The following ROBO2 variants were observed in gnomAD, a reference collection of about 807,000 sequenced individuals.
The protein encoded by ROBO2 is roundabout homolog 2.
ROBO2 carries 53 observed loss-of-function variants against 160.8 expected under a neutral mutation model. That is an observed-to-expected ratio of 0.33 (90% CI 0.26 to 0.41). The LOEUF is 0.41. ROBO2 is among the 10% of genes least tolerant of loss of function. The pLI is 1.00. For synonymous variants in ROBO2, 664 were observed against 611.7 expected (o/e 1.09, Z -1.26); for missense variants, 1,577 against 1,722.4 (o/e 0.92, Z 1.49).
chr3:77,391,685 T>C (rs1044582536), intron 2 of ROBO2, among the ~76,000 whole-genome samples: 11 of 152,054 alleles, frequency 7.2e-5, no homozygotes, highest in African/African-American at 2.7e-4. Context: ...AGCCAAACCG[T>C]GTAAGATGCC....
chr3:77,451,935 A>G (rs1472521122), intron 2 of ROBO2, among the ~76,000 whole-genome samples: 3 of 151,590 alleles, frequency 2.0e-5, no homozygotes, highest in Middle Eastern at 3.2e-3. Context: ...CCATCCCACA[A>G]CAGGCCCCAG....
chr3:76,416,057 T>C (rs2075745063), intron 2 of ROBO2, among the ~76,000 whole-genome samples: 1 of 152,154 alleles, frequency 6.6e-6, no homozygotes, highest in African/African-American at 2.4e-5. Context: ...AACAAGATGA[T>C]AAATGGCCTA....
At chr3:77,545,855 G>C (rs887790652) in intron 6 of ROBO2, among the ~76,000 whole-genome samples, 1 of 151,962 alleles carries the variant, frequency 6.6e-6, no homozygotes, top group Non-Finnish European at 1.5e-5. Flanking sequence ...GCACTTTTAA[G>C]AATAGGGGTC....
chr3:77,212,839 T>G (rs778656476), intron 2 of ROBO2, among the ~76,000 whole-genome samples: 33 of 152,130 alleles, frequency 2.2e-4, no homozygotes, highest in Non-Finnish European at 4.7e-4. Context: ...TAATCATATG[T>G]TTTTTGTCTT....
chr3:76,909,941 C>T (rs1206776887), intron 2 of ROBO2, among the ~76,000 whole-genome samples: 1 of 152,178 alleles, frequency 6.6e-6, no homozygotes, highest in Non-Finnish European at 1.5e-5. Flanking sequence ...AGATTTCCTT[C>T]TCAAGAGCTT....
intron 2 of ROBO2, among the ~76,000 whole-genome samples, chr3:76,876,928 T>C (rs1223277692): frequency 2.0e-5 from 3 of 152,166 alleles, no homozygotes; most frequent in African/African-American, 7.2e-5. Context: ...CTTTCTGATA[T>C]TCTAGAATGA....
intron 2 of ROBO2, among the ~76,000 whole-genome samples, chr3:75,982,416 C>G (rs2065305186): frequency 6.6e-6 from 1 of 151,368 alleles, no homozygotes; most frequent in Non-Finnish European, 1.5e-5. Context: ...TCCTTTTTTC[C>G]ACATCCTTCT....
chr3:76,763,937 T>C (rs1394352810), intron 2 of ROBO2, among the ~76,000 whole-genome samples: 1 of 151,802 alleles, frequency 6.6e-6, no homozygotes, highest in Non-Finnish European at 1.5e-5. Flanking sequence ...GACCTTCTTC[T>C]TATAAATAAT....
chr3:76,314,841 G>A (rs956853459), intron 2 of ROBO2, among the ~76,000 whole-genome samples: 6 of 152,146 alleles, frequency 3.9e-5, no homozygotes, highest in Non-Finnish European at 8.8e-5. Context: ...GAAGTCAAAA[G>A]TTATATGCAG....
At chr3:76,958,974 C>T (rs1577841691) in intron 2 of ROBO2, among the ~76,000 whole-genome samples, 2 of 152,266 alleles carry the variant, frequency 1.3e-5, no homozygotes, top group East Asian at 3.9e-4. Flanking sequence ...CAGTTATCTC[C>T]ATAACAACAT....
intron 13 of ROBO2, among the ~76,000 whole-genome samples, chr3:77,573,458 A>G (rs954273746): frequency 2.0e-5 from 3 of 152,052 alleles, no homozygotes; most frequent in East Asian, 1.9e-4. Flanking sequence ...ATTATTTAAA[A>G]TAGCTTCTTA....
At chr3:77,539,353 C>T (rs2153641793) in intron 6 of ROBO2, among the ~76,000 whole-genome samples, 1 of 152,272 alleles carries the variant, frequency 6.6e-6, no homozygotes, top group Admixed American at 6.5e-5. Flanking sequence ...TAGCAGCACT[C>T]TCTACAAAAG....
chr3:76,272,838 T>TG lies in ROBO2; in HGVS notation c.109+335236_109+335237insG, dbSNP rs1559705719. Among the ~76,000 whole-genome samples the TG allele has an allele frequency of 1.4e-4, 4 of 28,068 alleles. 1 individual carries two copies. Among genetic ancestry groups the TG allele is most frequent in the African/African-American group, 4.7e-4 (4 of 8,562 alleles). The allele number at this position is 28,068 out of a possible 152,430, so 18.4% of individuals were successfully genotyped here. ...TATGTATTTATATATAAAATATATA[T>TG]ATTATATATTATATATAAAATATAT... On this transcript the variant is annotated intron_variant, in intron 2 of 26. Transcript: ENST00000487694.
Position 77,138,321 on chromosome 3 carries a change from T to A in ROBO2, c.388+39981T>A, listed in dbSNP as rs959491051. Among the ~76,000 whole-genome samples, 4 of 152,240 alleles carry A rather than the reference T, an allele frequency of 2.6e-5. No homozygotes were observed. The East Asian group carries it at 7.7e-4, about 29-fold the overall frequency. On this transcript the variant is annotated intron_variant, in intron 2 of 25. Transcript: ENST00000461745. The stretch of plus-strand genomic sequence containing the variant: ...ACTCATATTATCAATGAGAGTACAA[T>A]GTAGCATAATTTCCACCACACGTTG...
At chr3:77,537,826 A>G (rs573081941) in intron 6 of ROBO2, among the ~76,000 whole-genome samples, 6 of 152,196 alleles carry the variant, frequency 3.9e-5, no homozygotes, top group African/African-American at 9.6e-5. Context: ...TCTCCTTTAT[A>G]AAACCATCAG....
chr3:76,623,276 A>T (rs1452939642), intron 2 of ROBO2, among the ~76,000 whole-genome samples: 4 of 152,188 alleles, frequency 2.6e-5, no homozygotes, highest in Non-Finnish European at 5.9e-5. Flanking sequence ...TAAGAACAGA[A>T]GAGCTATCTT....
intron 2 of ROBO2, among the ~76,000 whole-genome samples, chr3:76,181,406 G>A (rs1286401219): frequency 2.0e-5 from 3 of 152,106 alleles, no homozygotes; most frequent in Admixed American, 2.0e-4. Flanking sequence ...CAAATGAGTC[G>A]ATTCAGCAGA....
rs141507449 is a variant in ROBO2 at position 77,290,161 on chromosome 3, C to G, written c.389-187253C>G. Among the ~76,000 whole-genome samples the G allele has an allele frequency of 2.6e-4, 39 of 151,546 alleles. 1 individual carries two copies. In the East Asian group the frequency reaches 7.6e-3, roughly 30 times the overall value. On this transcript the variant is annotated intron_variant, in intron 2 of 25. Transcript: ENST00000461745. The stretch of plus-strand genomic sequence containing the variant: ...TGATGGTTAAACGGGTAAGCTGAGG[C>G]TAGATCACCCAAGACACAAAGTAAA...
chr3:76,027,335 A>G (rs140092745), intron 2 of ROBO2, among the ~76,000 whole-genome samples: 17 of 151,958 alleles, frequency 1.1e-4, no homozygotes, highest in African/African-American at 3.9e-4. Context: ...TAGGCTTAAC[A>G]TTTCTGGTGG....
Sources: gnomAD v4.1 joint callset for allele counts (sites outside exome capture counted in the v4.1 genomes callset) on GRCh38, gnomAD v4.1.1 for gene constraint, MANE v1.5 for transcripts, NCBI Gene and HGNC (gene_info 2026-07-23, HGNC 2026-07-21) for gene names.